The following PTPRT variants were observed in gnomAD, a reference collection of about 807,000 sequenced individuals.
The protein encoded by PTPRT is receptor-type tyrosine-protein phosphatase T.
PTPRT carries 56 observed loss-of-function variants against 176.8 expected under a neutral mutation model. That is an observed-to-expected ratio of 0.32 (90% CI 0.26 to 0.40). The LOEUF is 0.40. Among genes scored for constraint, PTPRT ranks in the 10% least tolerant of loss-of-function variants. The probability of loss-of-function intolerance (pLI) is 1.00; values close to 1 mark genes in which losing one functional copy is unlikely to be tolerated. For missense variants in PTPRT, 1,540 were observed against 1,908.2 expected (o/e 0.81, Z 3.60); for synonymous variants, 783 against 739.0 (o/e 1.06, Z -0.96).
At chr20:42,086,788 T>C (rs1984012304) in intron 27 of PTPRT, among the ~76,000 whole-genome samples, 1 of 131,238 alleles carries the variant, frequency 7.6e-6, no homozygotes, top group Non-Finnish European at 1.6e-5. Context: ...TCAGGCGGCC[T>C]TGGGTCCAAA....
intron 7 of PTPRT, among the ~76,000 whole-genome samples, chr20:42,652,713 G>A (rs1026829402): frequency 6.6e-6 from 1 of 152,056 alleles, no homozygotes; most frequent in African/African-American, 2.4e-5. Flanking sequence ...GGTTGCCAAG[G>A]GTGAGTCCCT....
chr20:42,171,247 C>T (rs1199678207), intron 16 of PTPRT, among the ~76,000 whole-genome samples: 1 of 152,004 alleles, frequency 6.6e-6, no homozygotes, highest in Non-Finnish European at 1.5e-5. Flanking sequence ...AAAAAAACAT[C>T]CACAAGAATG....
intron 7 of PTPRT, among the ~76,000 whole-genome samples, chr20:42,605,482 G>A (rs769196059): frequency 6.6e-6 from 1 of 152,178 alleles, no homozygotes; most frequent in Admixed American, 6.5e-5. Flanking sequence ...AAGGTCAAGG[G>A]CTAGATGAGT....
At chr20:42,712,562 G>A (rs769024466) in intron 6 of PTPRT, among the ~76,000 whole-genome samples, 16 of 152,126 alleles carry the variant, frequency 1.1e-4, no homozygotes, top group African/African-American at 2.7e-4. Context: ...GACTATCAGC[G>A]TGACCTTGGT....
chr20:42,600,303 C>G (rs1456399966), intron 7 of PTPRT, among the ~76,000 whole-genome samples: 3 of 152,000 alleles, frequency 2.0e-5, no homozygotes, highest in African/African-American at 7.2e-5. Context: ...TAAAGTCTGG[C>G]TAATTTTTGT....
intron 11 of PTPRT, among the ~76,000 whole-genome samples, chr20:42,335,618 C>T (rs186887792): frequency 1.4e-4 from 21 of 152,224 alleles, no homozygotes; most frequent in South Asian, 1.0e-3. Flanking sequence ...AAAATTATGA[C>T]TGCCAAAATT....
At chr20:42,491,195 A>C (rs754223874) in intron 7 of PTPRT, among the ~76,000 whole-genome samples, 11 of 152,154 alleles carry the variant, frequency 7.2e-5, no homozygotes, top group Non-Finnish European at 1.5e-4. Flanking sequence ...ACATTCACGC[A>C]TGAAATGGGC....
Position 43,134,197 on chromosome 20 carries a change from G to A in PTPRT, c.88+55449C>T, listed in dbSNP as rs189523537. 7.0e-4 allele frequency among the ~76,000 whole-genome samples: 106 copies of A among 152,276 alleles called. 1 individual carries two copies. Among genetic ancestry groups the A allele is most frequent in the East Asian group, 3.9e-4 (2 of 5,180 alleles). On this transcript the variant is annotated intron_variant, in intron 1 of 30. Transcript: ENST00000373187. Reference sequence around the variant, plus strand: ...CAACAAAGAAAAGGAAGGGGGAGCCGTTATAGATCAGTTTAATTTATTTAG... The same window carrying A: ...CAACAAAGAAAAGGAAGGGGGAGCCATTATAGATCAGTTTAATTTATTTAG...
At chr20:42,127,528 T>G (rs1987919780) in intron 19 of PTPRT, among the ~76,000 whole-genome samples, 1 of 152,322 alleles carries the variant, frequency 6.6e-6, no homozygotes, top group East Asian at 1.9e-4. Context: ...TTTGTTGAGT[T>G]AATAACTCAC....
In PTPRT at chr20:42,173,387, A is replaced by G. The variant is rs552153357; in HGVS notation, c.2492-11845T>C. On this transcript the variant is annotated intron_variant, in intron 16 of 30. Transcript: ENST00000373187. The stretch of plus-strand genomic sequence containing the variant: ...TGAGTTTTCCCTTACCTCTTCTCCA[A>G]CCAGATATAAATGGCTTTTTATCTG... 3.3e-5 allele frequency among the ~76,000 whole-genome samples: 5 copies of G among 152,296 alleles called. No homozygotes were observed. The South Asian group carries it at 6.2e-4, about 19-fold the overall frequency.
intron 15 of PTPRT, among the ~76,000 whole-genome samples, chr20:42,200,783 G>A (rs986017964): frequency 6.6e-6 from 1 of 152,114 alleles, no homozygotes; most frequent in African/African-American, 2.4e-5. Context: ...TTAAACATCA[G>A]ATATCTTGAG....
At chr20:42,105,996 G>C (rs1306842102) in intron 24 of PTPRT, among the ~76,000 whole-genome samples, 1 of 152,224 alleles carries the variant, frequency 6.6e-6, no homozygotes. Context: ...TGCTTAGTGA[G>C]AGTGTGGTTC....
chr20:42,463,409 T>TA lies in PTPRT; in HGVS notation c.1450+8856dup, dbSNP rs546494899. Among the ~76,000 whole-genome samples, 420 of 152,082 alleles carry TA rather than the reference T, an allele frequency of 2.8e-3. 3 individuals are homozygous for TA. In the Middle Eastern group the frequency reaches 0.037, roughly 14 times the overall value. ...TAATTACTTTATAATTTCATTCTCT[T>TA]AAAAAAAAGCACACTAAAATTGCTA... On this transcript the variant is annotated intron_variant, in intron 8 of 30. Transcript: ENST00000373187.
chr20:42,341,528 A>T (rs1209104948), intron 11 of PTPRT, among the ~76,000 whole-genome samples: 1 of 152,202 alleles, frequency 6.6e-6, no homozygotes, highest in Non-Finnish European at 1.5e-5. Flanking sequence ...CTCTTTGGCC[A>T]GTCCTTCTCC....
At chr20:42,489,292 A>G (rs2071520042) in intron 7 of PTPRT, among the ~76,000 whole-genome samples, 1 of 152,050 alleles carries the variant, frequency 6.6e-6, no homozygotes, top group African/African-American at 2.4e-5. Context: ...GAAGTTAGGT[A>G]TAGCCATGAG....
intron 6 of PTPRT, among the ~76,000 whole-genome samples, chr20:42,730,395 C>T (rs1319200289): frequency 6.6e-6 from 1 of 152,120 alleles, no homozygotes; most frequent in Non-Finnish European, 1.5e-5. Context: ...AAGAGAGAGG[C>T]ACTGGAGGCC....
Position 42,694,040 on chromosome 20 carries a change from CTTTT to C in PTPRT, c.860-15885_860-15882del, listed in dbSNP as rs56156122. On this transcript the variant is annotated intron_variant, in intron 6 of 30. Coordinates refer to ENST00000373187, the MANE Select transcript of PTPRT (RefSeq NM_007050.6). ...GGTTTTTTTTCTTTTATTTTATTTT[CTTTT>C]TTTTTTTTTTTTGAGCCAGAGTCTC... Among the ~76,000 whole-genome samples the C allele has an allele frequency of 8.4e-3, 1,162 of 138,408 alleles. 22 individuals are homozygous for C. The highest frequency in any genetic ancestry group is 0.03 in the African/African-American group (1,114 of 37,340). 90.8% of individuals were successfully genotyped at this position (138,408 alleles called of 152,430 possible).
At chr20:42,180,958 G>C (rs944355564) in intron 16 of PTPRT, among the ~76,000 whole-genome samples, 21 of 152,154 alleles carry the variant, frequency 1.4e-4, no homozygotes, top group African/African-American at 4.6e-4. Flanking sequence ...TAATCTCCCT[G>C]AACCTCAATC....
chr20:42,905,641 G>A (rs528620946), intron 1 of PTPRT, among the ~76,000 whole-genome samples: 9 of 152,122 alleles, frequency 5.9e-5, no homozygotes, highest in East Asian at 1.9e-4. Context: ...GGCACTATTC[G>A]CAATAGCAAA....
Sources: gnomAD v4.1 joint callset for allele counts (sites outside exome capture counted in the v4.1 genomes callset) on GRCh38, gnomAD v4.1.1 for gene constraint, MANE v1.5 for transcripts, NCBI Gene and HGNC (gene_info 2026-07-23, HGNC 2026-07-21) for gene names.